Variants in RBFOX1 observed in about 807,000 individuals in gnomAD.
RBFOX1 encodes the protein RNA binding fox-1 homolog 1.
Under a neutral mutation model 57.7 loss-of-function variants are expected in RBFOX1, and 8 were observed. The ratio of observed to expected loss-of-function variants is 0.14; its 90% confidence interval spans 0.08 to 0.25. RBFOX1 has a LOEUF of 0.25. RBFOX1 is among the 10% of genes least tolerant of loss of function. The pLI, the probability that RBFOX1 is intolerant of heterozygous loss-of-function variation, is 1.00. For missense variants in RBFOX1, 611 were observed against 548.5 expected (o/e 1.11, Z -1.14); for synonymous variants, 326 against 222.4 (o/e 1.47, Z -4.15).
chr16:7,407,377 T>G (rs369849831), intron 4 of RBFOX1, among the ~76,000 whole-genome samples: 18 of 19,192 alleles, frequency 9.4e-4, no homozygotes, highest in Admixed American at 1.3e-3. Context: ...TGTATGGGTG[T>G]GTGTGTGTGT....
intron 4 of RBFOX1, among the ~76,000 whole-genome samples, chr16:7,459,039 T>G (rs572549091): frequency 1.6e-4 from 24 of 151,918 alleles, no homozygotes; most frequent in Admixed American, 3.9e-4. Flanking sequence ...GATGGATGAA[T>G]GATGGATGGA....
At chr16:6,978,135 G>T (rs2087619158) in intron 3 of RBFOX1, among the ~76,000 whole-genome samples, 1 of 151,910 alleles carries the variant, frequency 6.6e-6, no homozygotes, top group Non-Finnish European at 1.5e-5. Context: ...ACAACAGCCG[G>T]GCATGATGCC....
chr16:7,079,069 C>G (rs560504856), intron 4 of RBFOX1, among the ~76,000 whole-genome samples: 2 of 151,806 alleles, frequency 1.3e-5, no homozygotes, highest in East Asian at 3.9e-4. Flanking sequence ...TCATGACAGC[C>G]TGAAGTCTTT....
At chr16:5,890,762 G>C (rs1250078648) in intron 4 of RBFOX1, among the ~76,000 whole-genome samples, 1 of 149,866 alleles carries the variant, frequency 6.7e-6, no homozygotes, top group Non-Finnish European at 1.5e-5. Flanking sequence ...GTCTTATACT[G>C]GAGCCTGGGC....
chr16:5,681,891 C>T (rs1228404594), intron 3 of RBFOX1, among the ~76,000 whole-genome samples: 2 of 152,036 alleles, frequency 1.3e-5, no homozygotes, highest in Non-Finnish European at 2.9e-5. Context: ...TATGAGTGGT[C>T]TGAGATGAAT....
At chr16:5,669,138 T>C (rs965484146) in intron 3 of RBFOX1, among the ~76,000 whole-genome samples, 4 of 152,130 alleles carry the variant, frequency 2.6e-5, no homozygotes, top group Non-Finnish European at 5.9e-5. Flanking sequence ...AGCTGAAAAT[T>C]CCAGAGGGTT....
chr16:7,185,212 C>A (rs2083478087), intron 4 of RBFOX1, among the ~76,000 whole-genome samples: 1 of 151,844 alleles, frequency 6.6e-6, no homozygotes, highest in South Asian at 2.1e-4. Context: ...TCTCTCTCTG[C>A]AGATTTCAGT....
chr16:5,901,355 C>A (rs1246162380), intron 4 of RBFOX1, among the ~76,000 whole-genome samples: 1 of 152,188 alleles, frequency 6.6e-6, no homozygotes, highest in Non-Finnish European at 1.5e-5. Context: ...ACCTTGCACC[C>A]TGTAGCTGGC....
chr16:6,974,038 T>C (rs906402237), intron 3 of RBFOX1, among the ~76,000 whole-genome samples: 2 of 152,224 alleles, frequency 1.3e-5, no homozygotes, highest in South Asian at 2.1e-4. Flanking sequence ...TTTGGTTTTC[T>C]GTTCCTGTGT....
At chr16:6,520,657 G>A (rs1415813316) in intron 2 of RBFOX1, among the ~76,000 whole-genome samples, 1 of 152,164 alleles carries the variant, frequency 6.6e-6, no homozygotes, top group Non-Finnish European at 1.5e-5. Flanking sequence ...AAAAGGGCAG[G>A]ACCCAGGACA....
chr16:6,330,911 A>G (rs1464000260), intron 2 of RBFOX1, among the ~76,000 whole-genome samples: 1 of 152,172 alleles, frequency 6.6e-6, no homozygotes, highest in African/African-American at 2.4e-5. Flanking sequence ...TGGGGAATTA[A>G]AGGATGGTAT....
intron 3 of RBFOX1, among the ~76,000 whole-genome samples, chr16:5,614,176 C>T (rs567945562): frequency 8.5e-5 from 13 of 152,142 alleles, no homozygotes; most frequent in Non-Finnish European, 1.6e-4. Flanking sequence ...GGGATCCTGT[C>T]CTGTCACGTA....
chr16:6,268,872 A>G (rs373543979), intron 1 of RBFOX1, among the ~76,000 whole-genome samples: 135 of 152,348 alleles, frequency 8.9e-4, no homozygotes, highest in Middle Eastern at 3.4e-3. Flanking sequence ...GTCTTCCCGC[A>G]GTATCAGTGG....
At chr16:6,193,470 A>G (rs1215131905) in intron 1 of RBFOX1, among the ~76,000 whole-genome samples, 2 of 140,570 alleles carry the variant, frequency 1.4e-5, no homozygotes, top group Non-Finnish European at 3.1e-5. Flanking sequence ...CTAGGAGGAC[A>G]AGAGTTGGAT....
chr16:6,560,730 T>A (rs1414112669), intron 2 of RBFOX1, among the ~76,000 whole-genome samples: 1 of 152,210 alleles, frequency 6.6e-6, no homozygotes, highest in Non-Finnish European at 1.5e-5. Flanking sequence ...TAATGCAGTT[T>A]ATAGCTGTGT....
chr16:7,065,548 T>C lies in RBFOX1; in HGVS notation c.27+13450T>C, dbSNP rs139707033. Among the ~76,000 whole-genome samples the C allele has an allele frequency of 3.9e-3, 592 of 152,366 alleles. 4 individuals are homozygous for C. The highest frequency in any genetic ancestry group is 0.013 in the African/African-American group (553 of 41,590). Reference sequence around the variant, plus strand: ...CTAAAATTGACAAATTAAAATGGTATATCCTTATTGTATACAGCATGGTGT... The same window carrying C: ...CTAAAATTGACAAATTAAAATGGTACATCCTTATTGTATACAGCATGGTGT... On this transcript the variant is annotated intron_variant, in intron 4 of 15. Coordinates refer to ENST00000550418, the MANE Select transcript of RBFOX1 (RefSeq NM_018723.4).
intron 3 of RBFOX1, among the ~76,000 whole-genome samples, chr16:6,810,111 G>A (rs1442614598): frequency 2.7e-5 from 4 of 146,984 alleles, no homozygotes; most frequent in South Asian, 2.2e-4. Context: ...ATCTTTTCTT[G>A]TCAACATTTA....
At chr16:5,878,049 C>T (rs911961127) in intron 4 of RBFOX1, among the ~76,000 whole-genome samples, 5 of 152,182 alleles carry the variant, frequency 3.3e-5, no homozygotes, top group African/African-American at 1.2e-4. Flanking sequence ...TACACAGACA[C>T]CACATTCCAT....
intron 3 of RBFOX1, among the ~76,000 whole-genome samples, chr16:5,637,822 G>A (rs988404280): frequency 2.6e-5 from 4 of 152,030 alleles, no homozygotes; most frequent in African/African-American, 9.7e-5. Flanking sequence ...AGGGCCACAG[G>A]GCTTAGCCCC....
Sources: gnomAD v4.1 joint callset for allele counts (sites outside exome capture counted in the v4.1 genomes callset) on GRCh38, gnomAD v4.1.1 for gene constraint, MANE v1.5 for transcripts, NCBI Gene and HGNC (gene_info 2026-07-23, HGNC 2026-07-21) for gene names.